Variants in SPRED1 observed in about 807,000 individuals in gnomAD.
The protein encoded by SPRED1 is sprouty-related, EVH1 domain-containing protein 1.
A neutral mutation model predicts 52.3 loss-of-function variants in SPRED1; 18 were observed. The ratio of observed to expected loss-of-function variants is 0.34; its 90% CI spans 0.24 to 0.51. The LOEUF is 0.51. SPRED1 is among the 20% of genes least tolerant of loss of function. The pLI, the probability that SPRED1 is intolerant of heterozygous loss-of-function variation, is 0.97. For synonymous variants in SPRED1, 155 were observed against 179.7 expected (o/e 0.86, Z 1.10); for missense variants, 485 against 551.0 (o/e 0.88, Z 1.20).
rs1888604313 is a variant in SPRED1 at position 38,355,739 on chromosome 15, A to T, written c.*4075A>T. The T allele has an allele frequency of 6.6e-6, 1 of 152,218 alleles. No homozygotes were observed. The highest frequency in any genetic ancestry group is 1.5e-5 in the Non-Finnish European group (1 of 68,026). 9.4% of individuals were successfully genotyped at this position (152,218 alleles called of 1,614,324 possible). A position where few individuals can be genotyped will look rare whatever the true frequency, so the allele number is the denominator to read the frequency against. ...GGATTCTTTACTAATTATTATGCTC[A>T]TTCTTGATTTGACTTCCATGTTCAC... On this transcript the variant is annotated 3_prime_UTR_variant, in exon 7 of 7. Transcript: ENST00000299084.
intron 2 of SPRED1, among the ~76,000 whole-genome samples, chr15:38,299,756 G>A (rs888694684): frequency 6.6e-6 from 1 of 151,866 alleles, no homozygotes; most frequent in Non-Finnish European, 1.5e-5. Context: ...TGGGGTTGCT[G>A]CTTTTCCATT....
intron 1 of SPRED1, among the ~76,000 whole-genome samples, chr15:38,289,850 GA>G (rs1251838940): frequency 6.6e-6 from 1 of 152,136 alleles, no homozygotes; most frequent in African/African-American, 2.4e-5. Context: ...AAACTCTTTG[GA>G]CTTCCAACTC....
chr15:38,298,315 T>C (rs187652383), intron 1 of SPRED1, among the ~76,000 whole-genome samples: 18 of 152,312 alleles, frequency 1.2e-4, no homozygotes, highest in African/African-American at 4.3e-4. Context: ...GTTAAACATG[T>C]ACCTATCCTG....
chr15:38,279,913 GC>G (rs1566853087), intron 1 of SPRED1, among the ~76,000 whole-genome samples: 2 of 152,144 alleles, frequency 1.3e-5, no homozygotes, highest in African/African-American at 4.8e-5. Flanking sequence ...TTAGGAGAGG[GC>G]TTTGATTAGC....
At position 38,353,631 on chromosome 15, in the gene SPRED1, C is replaced by T. The variant is rs977825563; in HGVS notation, c.*1967C>T. On this transcript the variant is annotated 3_prime_UTR_variant, in exon 7 of 7. Transcript: ENST00000299084. ...TGAAGTTTTCAGCTAAACTTGGTTT[C>T]CTAGAATAGACTGTTAACTTTCAAA... 3.3e-5 allele frequency: 5 copies of T among 152,592 alleles called. No homozygotes were observed. The South Asian group carries it at 8.3e-4, about 25-fold the overall frequency. The allele number at this position is 152,592 out of a possible 1,614,324, so 9.5% of individuals were successfully genotyped here.
chr15:38,290,475 T>A (rs913849152), intron 1 of SPRED1, among the ~76,000 whole-genome samples: 1 of 152,230 alleles, frequency 6.6e-6, no homozygotes, highest in African/African-American at 2.4e-5. Flanking sequence ...TTCCCAGATG[T>A]CTGCATTATA....
chr15:38,323,578 T>G (rs935186217), intron 3 of SPRED1, among the ~76,000 whole-genome samples: 7 of 151,678 alleles, frequency 4.6e-5, no homozygotes, highest in Non-Finnish European at 8.8e-5. Context: ...AGAATTGTTC[T>G]CTAGTCAAGG....
At chr15:38,256,935 TA>T (rs746953262) in intron 1 of SPRED1, among the ~76,000 whole-genome samples, 2 of 152,146 alleles carry the variant, frequency 1.3e-5, no homozygotes, top group Non-Finnish European at 2.9e-5. Flanking sequence ...GTATACATAA[TA>T]TAAAAATTTG....
chr15:38,343,619 A>T (rs1483067277), intron 5 of SPRED1, among the ~76,000 whole-genome samples: 1 of 152,094 alleles, frequency 6.6e-6, no homozygotes, highest in Non-Finnish European at 1.5e-5. Context: ...AAACTTCTAG[A>T]TCATCTGGGA....
At chr15:38,345,930 GATGGGACCC>G (rs1236824283) in intron 5 of SPRED1, among the ~76,000 whole-genome samples, 1 of 152,190 alleles carries the variant, frequency 6.6e-6, no homozygotes, top group Non-Finnish European at 1.5e-5. Context: ...GATCTGCAGA[GATGGGACCC>G]ATAAGGAATT....
intron 1 of SPRED1, among the ~76,000 whole-genome samples, chr15:38,258,900 T>C (rs528161843): frequency 2.0e-5 from 3 of 152,314 alleles, no homozygotes; most frequent in Admixed American, 2.0e-4. Context: ...GAGATGGATT[T>C]CTTTTGTAGC....
intron 1 of SPRED1, among the ~76,000 whole-genome samples, chr15:38,261,293 T>C (rs1192583411): frequency 6.6e-6 from 1 of 152,244 alleles, no homozygotes; most frequent in East Asian, 1.9e-4. Context: ...GGGATTTTAG[T>C]CCAAGAGTTC....
intron 1 of SPRED1, among the ~76,000 whole-genome samples, chr15:38,298,291 T>C (rs1044192658): frequency 6.6e-6 from 1 of 152,208 alleles, no homozygotes; most frequent in Non-Finnish European, 1.5e-5. Context: ...CTTTGGAAGA[T>C]AATGTCTTGT....
intron 1 of SPRED1, among the ~76,000 whole-genome samples, chr15:38,261,310 C>A (rs1894199456): frequency 6.6e-6 from 1 of 152,168 alleles, no homozygotes. Context: ...GTTCTAGAAT[C>A]ATAACTGATT....
At chr15:38,307,045 A>G (rs4354888) in intron 2 of SPRED1, among the ~76,000 whole-genome samples, 125,336 of 152,138 alleles carry the variant, frequency 0.82, 52,424 homozygotes, top group Non-Finnish European at 0.9. Flanking sequence ...TTATCTTCCA[A>G]TTGCCATTAA....
chr15:38,306,716 G>C (rs1017133286), intron 2 of SPRED1, among the ~76,000 whole-genome samples: 3 of 152,148 alleles, frequency 2.0e-5, no homozygotes, highest in African/African-American at 7.2e-5. Context: ...ACTGGTTCCT[G>C]AAAATTAAGA....
intron 1 of SPRED1, among the ~76,000 whole-genome samples, chr15:38,263,113 A>T (rs1894236164): frequency 6.6e-6 from 1 of 152,212 alleles, no homozygotes. Flanking sequence ...TATGAGAAGA[A>T]ATTCAAATGT....
At chr15:38,297,626 GAATT>G (rs1895065701) in intron 1 of SPRED1, among the ~76,000 whole-genome samples, 1 of 152,044 alleles carries the variant, frequency 6.6e-6, no homozygotes, top group Admixed American at 6.6e-5. Flanking sequence ...TCTATATAAA[GAATT>G]ATTTTGACCC....
rs547680341 is a variant in SPRED1 at position 38,357,082 on chromosome 15, A to G, written c.*5418A>G. 10 of 152,208 alleles carry G rather than the reference A, an allele frequency of 6.6e-5. No individual in the cohort carries two copies. The highest frequency in any genetic ancestry group is 1.2e-4 in the Non-Finnish European group (8 of 68,010). 9.4% of individuals were successfully genotyped at this position (152,208 alleles called of 1,614,324 possible). A position where few individuals can be genotyped will look rare whatever the true frequency, so the allele number is the denominator to read the frequency against. On this transcript the variant is annotated 3_prime_UTR_variant, in exon 7 of 7. Coordinates refer to ENST00000299084, the MANE Select transcript of SPRED1 (RefSeq NM_152594.3). ...CTAGGGTTCTAGCTTGGCTATCAAT[A>G]TAAGTGTCATGCACATAGTGCTCCT...
Sources: allele counts gnomAD v4.1 joint callset (sites outside exome capture counted in the v4.1 genomes callset), GRCh38; gene constraint gnomAD v4.1.1; transcripts MANE v1.5; gene names NCBI Gene and HGNC (gene_info 2026-07-23, HGNC 2026-07-21).